The following SLC26A8 variants were observed in gnomAD, a reference collection of about 807,000 sequenced individuals.
SLC26A8 encodes testis anion transporter 1.
A neutral mutation model predicts 105.0 loss-of-function variants in SLC26A8; 70 were observed. That is an observed-to-expected ratio of 0.67 (90% confidence interval 0.55 to 0.81). The LOEUF (loss-of-function observed/expected upper bound fraction) is 0.81. Ranked by LOEUF, SLC26A8 falls within the 40% of genes least tolerant of loss-of-function variation. The pLI is 0.00. For synonymous variants in SLC26A8, 415 were observed against 438.3 expected (o/e 0.95, Z 0.66); for missense variants, 998 against 1,181.8 (o/e 0.84, Z 2.28).
At chr6:35,989,797 A>G (rs1291761264) in intron 7 of SLC26A8, 1 of 152,214 alleles carries the variant, frequency 6.6e-6, no homozygotes, top group Admixed American at 6.5e-5. Context: ...TGTATTTCTT[A>G]GGAAGGACTG....
At chr6:35,972,821 G>A (rs766133806) in intron 10 of SLC26A8, among the ~76,000 whole-genome samples, 3 of 152,300 alleles carry the variant, frequency 2.0e-5, no homozygotes, top group Non-Finnish European at 4.4e-5. Context: ...AAATTCAATC[G>A]TCTGCCAAAA....
At chr6:35,947,371 A>G (rs1230450537) in intron 19 of SLC26A8, among the ~76,000 whole-genome samples, 1 of 152,170 alleles carries the variant, frequency 6.6e-6, no homozygotes. Context: ...CCTTCTCATT[A>G]AATTCAGGAG....
intron 11 of SLC26A8, among the ~76,000 whole-genome samples, chr6:35,966,889 A>G (rs770583751): frequency 2.0e-5 from 3 of 152,214 alleles, no homozygotes; most frequent in Non-Finnish European, 4.4e-5. Context: ...CGTGTTTATA[A>G]TAAAGGAGTC....
At chr6:35,990,683 A>T (rs930370155) in intron 7 of SLC26A8, among the ~76,000 whole-genome samples, 2 of 152,232 alleles carry the variant, frequency 1.3e-5, no homozygotes, top group Non-Finnish European at 2.9e-5. Flanking sequence ...AAAATAAAAC[A>T]TTTATGTAGA....
At chr6:36,010,210 A>G (rs1009896207) in intron 3 of SLC26A8, among the ~76,000 whole-genome samples, 1 of 152,240 alleles carries the variant, frequency 6.6e-6, no homozygotes, top group Admixed American at 6.5e-5. Context: ...AAGTGAATGG[A>G]TAAACAAGCT....
intron 16 of SLC26A8, 100 bp from the exon 17 acceptor site, chr6:35,955,620 T>G: frequency 6.9e-7 from 1 of 1,459,238 alleles, no homozygotes; most frequent in South Asian, 1.3e-5. Context: ...CTCATGTCCC[T>G]CTCTCATGAA....
chr6:35,984,101 T>C (rs1773389698), intron 7 of SLC26A8, among the ~76,000 whole-genome samples: 1 of 152,132 alleles, frequency 6.6e-6, no homozygotes, highest in Non-Finnish European at 1.5e-5. Context: ...ACATGACATG[T>C]GTATAGGTAG....
At position 35,973,679 on chromosome 6, in the gene SLC26A8, G is replaced by T. The variant is rs966649106; in HGVS notation, c.1287+1696C>A. ...TTGGACACCCCTGCTCTATACCCAGGCTCTCACCCCTGCCTAATCTTTCTG... is the reference window on the plus strand; with the variant it reads ...TTGGACACCCCTGCTCTATACCCAGTCTCTCACCCCTGCCTAATCTTTCTG... On this transcript the variant is annotated intron_variant, in intron 10 of 19. Transcript: ENST00000490799. 2.6e-5 allele frequency among the ~76,000 whole-genome samples: 4 copies of T among 152,082 alleles called. No individual in the cohort carries two copies. The East Asian group carries it at 7.7e-4, about 29-fold the overall frequency.
rs144332964 is a variant in SLC26A8, at chr6:35,977,202, A to C, written c.1173+2T>G. On this transcript the variant is annotated splice_donor_variant, in intron 9 of 19. Transcript: ENST00000490799. LOFTEE classifies it high-confidence loss of function. ...GATCAGAGGAAGTAGTAGTCCTCTC[A>C]CCTGGTTGGAATTGACACTGTAATT... The C allele has an allele frequency of 1.9e-6, 3 of 1,613,132 alleles. No individual in the cohort carries two copies. Among genetic ancestry groups the C allele is most frequent in the African/African-American group, 2.7e-5 (2 of 74,868 alleles).
At chr6:35,974,543 C>G (rs973470017) in intron 10 of SLC26A8, among the ~76,000 whole-genome samples, 1 of 152,164 alleles carries the variant, frequency 6.6e-6, no homozygotes, top group Non-Finnish European at 1.5e-5. Context: ...ATTCTCTAGG[C>G]TCTCCTAGAC....
At chr6:35,987,454 C>T (rs1773567217) in intron 7 of SLC26A8, among the ~76,000 whole-genome samples, 1 of 152,128 alleles carries the variant, frequency 6.6e-6, no homozygotes, top group African/African-American at 2.4e-5. Context: ...TCACTGCAAG[C>T]TCCGCCTCTC....
chr6:35,951,393 G>A, intron 18 of SLC26A8, 46 bp from the exon 19 acceptor site: 1 of 1,614,050 alleles, frequency 6.2e-7, no homozygotes, highest in Non-Finnish European at 8.5e-7. Flanking sequence ...TACTTGGGGA[G>A]CAGAGGACCC....
chr6:35,961,371 C>T (rs1193619675), intron 12 of SLC26A8, among the ~76,000 whole-genome samples: 1 of 152,126 alleles, frequency 6.6e-6, no homozygotes, highest in Non-Finnish European at 1.5e-5. Context: ...TAATGTCTAC[C>T]TTATAGGCTT....
chr6:36,020,018 A>G (rs1762092646), intron 1 of SLC26A8, among the ~76,000 whole-genome samples: 1 of 152,230 alleles, frequency 6.6e-6, no homozygotes, highest in Non-Finnish European at 1.5e-5. Context: ...ATGTTGTAGG[A>G]AAATGATCAA....
chr6:36,004,170 G>A (rs374641762), intron 3 of SLC26A8, among the ~76,000 whole-genome samples: 30 of 149,638 alleles, frequency 2.0e-4, no homozygotes, highest in Middle Eastern at 3.5e-3. Flanking sequence ...CAACCTCCCA[G>A]GCTCAGGGAA....
Position 35,955,466 on chromosome 6 carries a change from T to G in SLC26A8, c.1918A>C (p.Asn640His). 3.7e-6 allele frequency: 6 copies of G among 1,614,178 alleles called. No individual in the cohort carries two copies. Among genetic ancestry groups the G allele is most frequent in the Non-Finnish European group, 5.1e-6 (6 of 1,180,022 alleles). The change falls in exon 17 of 20, where the codon AAC becomes CAC. Residue 640 changes from asparagine to histidine, a missense_variant. Asn to His is a moderately conservative substitution (Grantham distance 68). Transcript: ENST00000490799. ...NKLDPEASSI[N>H]LIHCSHFESM... is the part of the protein sequence containing the mutation. ...TCAAAATGTGAGCAGTGAATCAGGTTAATGGAGGATGCTTCGGGATCCAGT... is the reference window on the plus strand; with the variant it reads ...TCAAAATGTGAGCAGTGAATCAGGTGAATGGAGGATGCTTCGGGATCCAGT...
chr6:35,951,091 A>ACCCCCCCCCCCCCCTC, intron 19 of SLC26A8, 72 bp downstream of exon 19: 1 of 1,256,380 alleles, frequency 8.0e-7, no homozygotes, highest in Non-Finnish European at 1.1e-6. Context: ...CCAGCCCCCA[A>ACCCCCCCCCCCCCCTC]CCACCCCTCA....
At chr6:36,017,189 A>G (rs1762015680) in intron 2 of SLC26A8, among the ~76,000 whole-genome samples, 1 of 69,726 alleles carries the variant, frequency 1.4e-5, no homozygotes, top group Non-Finnish European at 3.1e-5. Context: ...AAAGAAGGAA[A>G]GAAGAATGGA....
rs1554163640 is a variant in SLC26A8, at chr6:35,968,589, A to ATGTGTGTGAAATATACATATGTGTGTATG, written c.1365+287_1365+288insCATACACACATATGTATATTTCACACACA. Among the ~76,000 whole-genome samples the ATGTGTGTGAAATATACATATGTGTGTATG allele has an allele frequency of 3.5e-3, 214 of 61,422 alleles. 6 individuals carry two copies. Among genetic ancestry groups the ATGTGTGTGAAATATACATATGTGTGTATG allele is most frequent in the South Asian group, 6.1e-3 (8 of 1,312 alleles). The allele number at this position is 61,422 out of a possible 152,430, so 40.3% of individuals were successfully genotyped here. ...TATATATAAATATACATATGTGTGT[A>ATGTGTGTGAAATATACATATGTGTGTATG]TGTGTGTGTGTGTGTGTGTGTATAT... On this transcript the variant is annotated intron_variant, in intron 11 of 19. Transcript: ENST00000490799.
Sources: gnomAD v4.1 joint callset for allele counts (sites outside exome capture counted in the v4.1 genomes callset) on GRCh38, gnomAD v4.1.1 for gene constraint, MANE v1.5 for transcripts, NCBI Gene and HGNC (gene_info 2026-07-23, HGNC 2026-07-21) for gene names.